SYNJ2: variants seen among roughly 807,000 people sequenced by gnomAD.
The protein encoded by SYNJ2 is synaptojanin 2, also known as polyphosphatidylinositol phosphatase SYNJ2.
Under a neutral mutation model 141.3 loss-of-function variants are expected in SYNJ2, and 116 were observed. The observed-to-expected ratio is 0.82, with a 90% confidence interval of 0.71 to 0.96. The LOEUF (loss-of-function observed/expected upper bound fraction) is 0.96, where lower values mean the gene tolerates loss of function less well. Among genes scored for constraint, SYNJ2 ranks in the 40% least tolerant of loss-of-function variants. The pLI is 0.00. For missense variants in SYNJ2, 1,873 were observed against 1,934.8 expected, an observed-to-expected ratio of 0.97 and a Z score of 0.60; for synonymous variants, 745 against 777.7, an observed-to-expected ratio of 0.96 and a Z score of 0.70.
chr6:158,088,550 G>A (rs887506398), intron 23 of SYNJ2, 110 bp from the exon 24 acceptor site: 21 of 772,422 alleles, frequency 2.7e-5, no homozygotes, highest in Admixed American at 1.4e-4. Context: ...GGACCTCACC[G>A]TGTCTGTGGT....
At position 158,078,246 on chromosome 6, in the gene SYNJ2, T is replaced by C. The variant is rs745943664; in HGVS notation, c.2532T>C (p.Tyr844=). ...RHTWSPGALQ[Y]YGRAELQASD... Reference sequence around the variant, plus strand: ...CCTGGTCTCCTGGTGCCCTGCAGTATTATGGTCGTGCGGAGCTACAAGCGT... The same window carrying C: ...CCTGGTCTCCTGGTGCCCTGCAGTACTATGGTCGTGCGGAGCTACAAGCGT... The change falls in exon 18 of 27, where the codon TAT becomes TAC. Residue 844 remains tyrosine, a synonymous_variant. Coordinates refer to ENST00000355585, the MANE Select transcript of SYNJ2 (RefSeq NM_003898.4). 6.2e-7 allele frequency: 1 copy of C among 1,614,004 alleles called. No homozygotes were observed. Among genetic ancestry groups the C allele is most frequent in the Non-Finnish European group, 8.5e-7 (1 of 1,179,890 alleles).
chr6:158,017,403 T>TCC, intron 2 of SYNJ2, 113 bp downstream of exon 2: 1 of 1,014,446 alleles, frequency 9.9e-7, no homozygotes, highest in Non-Finnish European at 1.3e-6. Flanking sequence ...TCTCTCTCTC[T>TCC]TCTTTTTTTT....
chr6:158,047,771 T>A, intron 5 of SYNJ2, among the ~76,000 whole-genome samples: 2 of 31,496 alleles, frequency 6.4e-5, no homozygotes, highest in African/African-American at 1.5e-4. Flanking sequence ...AGTGCGACTC[T>A]GTCAAAAAAA....
intron 1 of SYNJ2, among the ~76,000 whole-genome samples, chr6:157,983,512 A>G (rs1376911644): frequency 6.6e-6 from 1 of 152,256 alleles, no homozygotes; most frequent in Non-Finnish European, 1.5e-5. Context: ...CAAATAGATT[A>G]AGATGTCCTT....
chr6:158,076,729 C>T lies in SYNJ2; in HGVS notation c.2396C>T (p.Ala799Val), dbSNP rs1407813083. ...ACAAGCGACAAATGCCGCACCCCCG[C>T]CTGGACAGACAGGGTGCTGTGGTGG... The part of the protein sequence containing the change: ...YDTSDKCRTP[A>V]WTDRVLWWRK... The change falls in exon 17 of 27, where the codon GCC becomes GTC. Residue 799 changes from alanine to valine, a missense_variant. Ala to Val is a moderately conservative substitution (Grantham distance 64). Coordinates refer to ENST00000355585, the MANE Select transcript of SYNJ2 (RefSeq NM_003898.4). 6.2e-6 allele frequency: 10 copies of T among 1,614,214 alleles called. No individual in the cohort carries two copies. The highest frequency in any genetic ancestry group is 8.5e-6 in the Non-Finnish European group (10 of 1,180,040).
chr6:158,082,965 C>T (rs912865389), intron 20 of SYNJ2, among the ~76,000 whole-genome samples: 2 of 151,630 alleles, frequency 1.3e-5, no homozygotes, highest in African/African-American at 4.9e-5. Context: ...TGGAGTCTTG[C>T]TCTGTCACCC....
chr6:158,000,513 G>A (rs1240726066), intron 1 of SYNJ2, among the ~76,000 whole-genome samples: 1 of 152,108 alleles, frequency 6.6e-6, no homozygotes, highest in Non-Finnish European at 1.5e-5. Flanking sequence ...GTCCCAGTGG[G>A]TCCCTAACCC....
intron 18 of SYNJ2, chr6:158,079,336 A>G (rs1782525842): frequency 6.6e-6 from 1 of 152,128 alleles, no homozygotes; most frequent in Non-Finnish European, 1.5e-5. Flanking sequence ...TTTTACAAGG[A>G]AAGAAATTAA....
intron 6 of SYNJ2, among the ~76,000 whole-genome samples, chr6:158,055,533 G>GTGTA (rs1780818837): frequency 6.7e-6 from 1 of 149,826 alleles, no homozygotes. Context: ...GTGTGTGTGT[G>GTGTA]TGTATTTAAA....
At chr6:157,993,041 A>C (rs1392473079) in intron 1 of SYNJ2, among the ~76,000 whole-genome samples, 1 of 152,180 alleles carries the variant, frequency 6.6e-6, no homozygotes, top group Non-Finnish European at 1.5e-5. Flanking sequence ...TAGTGGTTGT[A>C]CGCATATAGT....
At chr6:158,072,956 C>G (rs554840292) in intron 15 of SYNJ2, among the ~76,000 whole-genome samples, 11 of 151,406 alleles carry the variant, frequency 7.3e-5, no homozygotes, top group Non-Finnish European at 1.5e-4. Context: ...ACCTGTAATC[C>G]CAGCTACTCA....
In SYNJ2 at chr6:158,084,055, G is replaced by C; in HGVS notation, c.3089G>C (p.Gly1030Ala). 1.2e-6 allele frequency: 2 copies of C among 1,614,100 alleles called. No homozygotes were observed. The highest frequency in any genetic ancestry group is 1.7e-6 in the Non-Finnish European group (2 of 1,180,004). The change falls in exon 22 of 27, where the codon GGA (glycine) becomes GCA (alanine). Residue 1030 changes from glycine to alanine, a missense_variant. By Grantham distance (60) the Gly-to-Ala change is moderately conservative. Coordinates refer to ENST00000355585, the MANE Select transcript of SYNJ2 (RefSeq NM_003898.4). The surrounding 1 kb of genome is among the most constrained non-coding windows in gnomAD (Gnocchi z 5.0). ...TTGGTGGATGAATTCAATCAGCCTGGAGTCTCGGACAGTGAACTCGGGGGA... is the reference window on the plus strand; with the variant it reads ...TTGGTGGATGAATTCAATCAGCCTGCAGTCTCGGACAGTGAACTCGGGGGA... ...DYLVDEFNQP[G>A]VSDSELGGDD...
chr6:158,083,925 C>T, intron 21 of SYNJ2, 76 bp from the exon 22 acceptor site: 5 of 1,534,632 alleles, frequency 3.3e-6, no homozygotes, highest in Non-Finnish European at 4.5e-6. Flanking sequence ...GGAGCTGAAC[C>T]AGTCCCACTG....
At chr6:158,095,157 A>C (rs1783725406) in intron 26 of SYNJ2, among the ~76,000 whole-genome samples, 1 of 152,116 alleles carries the variant, frequency 6.6e-6, no homozygotes, top group African/African-American at 2.4e-5. Flanking sequence ...TCAAAAAAAA[A>C]AAAAAAATTC....
rs771831728 is a variant in SYNJ2, at chr6:158,064,767, G to A, written c.1359+17G>A. The A allele has an allele frequency of 1.2e-6, 2 of 1,612,626 alleles. No individual in the cohort carries two copies. The highest frequency in any genetic ancestry group is 2.2e-5 in the South Asian group (2 of 91,064). On this transcript the variant is annotated intron_variant, in intron 10 of 26. Coordinates refer to ENST00000355585, the MANE Select transcript of SYNJ2 (RefSeq NM_003898.4). ...AAGGCCAAGGTAGGGCCCCGCCGAG[G>A]GGGCAGGGTGGGGGCCCCAGGGACC...
Position 158,028,986 on chromosome 6 carries a change from CAG to C in SYNJ2, c.446_447del (p.Gln149ArgfsTer3). ...RFDLTVRTQK[Q>X]GDDSSEWGNS... Reference sequence around the variant, plus strand: ...TGACCTGACTGTCCGCACGCAGAAGCAGGGGGATGACAGCTCTGAATGGGGGA... The same window carrying C: ...TGACCTGACTGTCCGCACGCAGAAGCGGGGATGACAGCTCTGAATGGGGGA... On this transcript the variant is annotated frameshift_variant, in exon 3 of 27. Coordinates refer to ENST00000355585, the MANE Select transcript of SYNJ2 (RefSeq NM_003898.4). LOFTEE classifies it high-confidence loss of function. 1 of 1,611,148 alleles carries C rather than the reference CAG, an allele frequency of 6.2e-7. No homozygotes were observed.
intron 18 of SYNJ2, chr6:158,078,560 A>G (rs1179775111): frequency 1.2e-5 from 3 of 249,290 alleles, no homozygotes; most frequent in Non-Finnish European, 2.3e-5. Context: ...TGCGGCTTTT[A>G]TATTTTCTTA....
rs1782652000 is a variant in SYNJ2 at position 158,081,155 on chromosome 6, G to T, written c.2614G>T (p.Gly872Cys). ...VEVEVQEVDV[G>C]ARERVFQEVS... The stretch of plus-strand genomic sequence containing the variant: ...GGTGGAAGTTCAGGAAGTCGATGTG[G>T]GTGCTCGGGAGAGGGTTTTCCAGGA... Residue 872 changes from glycine (G) to cysteine (C), a missense_variant, in exon 19 of 27, where the codon GGT becomes TGT. Gly to Cys is a radical substitution (Grantham distance 159, BLOSUM62 -3). Coordinates refer to ENST00000355585, the MANE Select transcript of SYNJ2 (RefSeq NM_003898.4). 1 of 1,613,922 alleles carries T rather than the reference G, an allele frequency of 6.2e-7. No homozygotes were observed. The highest frequency in any genetic ancestry group is 1.1e-5 in the South Asian group (1 of 91,080).
chr6:158,051,515 A>C (rs535343671), intron 5 of SYNJ2, among the ~76,000 whole-genome samples: 3 of 151,848 alleles, frequency 2.0e-5, no homozygotes, highest in African/African-American at 4.8e-5. Flanking sequence ...ATAAAAAAAA[A>C]CCCCACAGGT....
Sources: allele counts gnomAD v4.1 joint callset (sites outside exome capture counted in the v4.1 genomes callset), GRCh38; gene constraint gnomAD v4.1.1; non-coding constraint Gnocchi (gnomAD v3.1); transcripts MANE v1.5; gene names NCBI Gene and HGNC (gene_info 2026-07-23, HGNC 2026-07-21).